The following DLG2 variants were observed in gnomAD, a reference collection of about 807,000 sequenced individuals.
DLG2 encodes the protein disks large homolog 2.
In DLG2, 45 loss-of-function variants were observed where a neutral mutation model predicts 132.5. The observed-to-expected ratio is 0.34, with a 90% CI of 0.27 to 0.44. DLG2 has a LOEUF of 0.44. DLG2 is among the 20% of genes least tolerant of loss of function. The pLI is 1.00. For synonymous variants in DLG2, 424 were observed against 419.6 expected (o/e 1.01, Z -0.13); for missense variants, 1,045 against 1,196.9 (o/e 0.87, Z 1.87).
At chr11:84,853,623 A>G (rs555371080) in intron 6 of DLG2, among the ~76,000 whole-genome samples, 1 of 152,144 alleles carries the variant, frequency 6.6e-6, no homozygotes, top group South Asian at 2.1e-4. Flanking sequence ...GAATTGGAGA[A>G]AATCAGTCCA....
chr11:85,171,223 C>A (rs963649343), intron 4 of DLG2, among the ~76,000 whole-genome samples: 2 of 152,088 alleles, frequency 1.3e-5, no homozygotes, highest in African/African-American at 4.8e-5. Flanking sequence ...CAGGTTATTG[C>A]ATTAGGACTG....
chr11:84,997,575 G>A (rs190465268), intron 6 of DLG2: 15 of 152,310 alleles, frequency 9.8e-5, no homozygotes, highest in African/African-American at 3.6e-4. Flanking sequence ...TAACATTGGT[G>A]TCTGGGTAGG....
chr11:84,168,029 T>C (rs1566789816), intron 8 of DLG2, among the ~76,000 whole-genome samples: 2 of 152,214 alleles, frequency 1.3e-5, no homozygotes, highest in African/African-American at 4.8e-5. Context: ...AACAAGGATA[T>C]CAAAGCATTC....
chr11:84,519,442 G>C (rs966980059), intron 7 of DLG2, among the ~76,000 whole-genome samples: 1 of 152,162 alleles, frequency 6.6e-6, no homozygotes, highest in Non-Finnish European at 1.5e-5. Context: ...TATTGCTCTT[G>C]GCTTGAATAG....
chr11:84,841,229 G>C (rs1190988662), intron 6 of DLG2, among the ~76,000 whole-genome samples: 4 of 151,886 alleles, frequency 2.6e-5, no homozygotes, highest in Admixed American at 1.3e-4. Flanking sequence ...TGTACCAAGA[G>C]CAGGATTACT....
chr11:85,326,349 G>A (rs1418611061), intron 3 of DLG2, among the ~76,000 whole-genome samples: 6 of 137,948 alleles, frequency 4.3e-5, no homozygotes, highest in African/African-American at 1.4e-4. Context: ...AATGAAGGAA[G>A]AAATGTTAAG....
In DLG2 at chr11:84,745,037, C is replaced by A. The variant is rs558088061; in HGVS notation, c.358-210306G>T. On this transcript the variant is annotated intron_variant, in intron 6 of 27. Coordinates refer to ENST00000376104, the MANE Select transcript of DLG2 (RefSeq NM_001142699.3). ...CTAGGAATAAAGGTGAAAAAAAAAA[C>A]CCTGAAAATACTAATAGTTATACCG... Among the ~76,000 whole-genome samples the A allele has an allele frequency of 4.0e-5, 6 of 149,762 alleles. No individual in the cohort carries two copies. In the East Asian group the frequency reaches 9.7e-4, roughly 24 times the overall value.
At chr11:85,472,683 A>T (rs919627049) in intron 3 of DLG2, among the ~76,000 whole-genome samples, 7 of 152,230 alleles carry the variant, frequency 4.6e-5, no homozygotes, top group Admixed American at 3.9e-4. Context: ...AATGTGGGAA[A>T]AGAATCTGGG....
chr11:83,552,051 A>G (rs2096403751), intron 19 of DLG2, among the ~76,000 whole-genome samples: 1 of 152,226 alleles, frequency 6.6e-6, no homozygotes, highest in African/African-American at 2.4e-5. Context: ...GGGATCTATC[A>G]GTGAATAAAA....
chr11:84,300,111 T>A (rs1409814622), intron 7 of DLG2, among the ~76,000 whole-genome samples: 2 of 152,096 alleles, frequency 1.3e-5, no homozygotes, highest in Admixed American at 6.5e-5. Context: ...TATATTCAAA[T>A]TTCATAAAAT....
intron 18 of DLG2, among the ~76,000 whole-genome samples, chr11:83,737,711 T>G (rs1021169101): frequency 2.0e-5 from 3 of 152,204 alleles, no homozygotes; most frequent in Non-Finnish European, 2.9e-5. Flanking sequence ...CCCAGCACTT[T>G]GGGAGGCCAA....
At chr11:84,709,159 T>C (rs931143654) in intron 6 of DLG2, among the ~76,000 whole-genome samples, 1 of 151,884 alleles carries the variant, frequency 6.6e-6, no homozygotes, top group Non-Finnish European at 1.5e-5. Flanking sequence ...GAAAATAGGA[T>C]ATATTAATAA....
intron 3 of DLG2, among the ~76,000 whole-genome samples, chr11:85,306,696 CTA>C (rs1469582490): frequency 6.6e-6 from 1 of 152,062 alleles, no homozygotes; most frequent in Non-Finnish European, 1.5e-5. Context: ...TCAGCCTCCC[CTA>C]AGTAGCTGGG....
At chr11:84,170,926 C>G (rs1000722287) in intron 8 of DLG2, among the ~76,000 whole-genome samples, 3 of 152,058 alleles carry the variant, frequency 2.0e-5, no homozygotes, top group Admixed American at 2.0e-4. Context: ...AACTGGCAAC[C>G]CATAATTTTG....
At chr11:84,220,956 G>GT (rs376056448) in intron 8 of DLG2, among the ~76,000 whole-genome samples, 21,115 of 125,626 alleles carry the variant, frequency 0.17, 1,748 homozygotes, top group East Asian at 0.26. Flanking sequence ...CCCAGCTGAT[G>GT]TTTTTTTTTT....
intron 19 of DLG2, among the ~76,000 whole-genome samples, chr11:83,577,842 AATTATAAATATATAATTAT>A (rs1373037813): frequency 3.3e-5 from 4 of 122,734 alleles, no homozygotes; most frequent in African/African-American, 1.3e-4. Context: ...TATATTATAT[AATTATAAATATATAATTAT>A]ATTATAAATA....
At chr11:83,486,042 T>G (rs2137693106) in intron 21 of DLG2, 1 of 450,922 alleles carries the variant, frequency 2.2e-6, no homozygotes, top group African/African-American at 2.0e-5. Context: ...GAGGTATCAC[T>G]TCAGAATTTA....
chr11:85,590,897 A>C (rs1395238643), intron 3 of DLG2, among the ~76,000 whole-genome samples: 1 of 152,114 alleles, frequency 6.6e-6, no homozygotes, highest in African/African-American at 2.4e-5. Context: ...TCACTATCTC[A>C]CTATATAGGG....
chr11:85,241,986 A>C (rs2075903381), intron 4 of DLG2, among the ~76,000 whole-genome samples: 1 of 151,972 alleles, frequency 6.6e-6, no homozygotes, highest in Non-Finnish European at 1.5e-5. Flanking sequence ...CACATCCTGA[A>C]AAGAGGATTC....
Sources: gnomAD v4.1 joint callset for allele counts (sites outside exome capture counted in the v4.1 genomes callset) on GRCh38, gnomAD v4.1.1 for gene constraint, MANE v1.5 for transcripts, NCBI Gene and HGNC (gene_info 2026-07-23, HGNC 2026-07-21) for gene names.